The following ASH1L variants were observed in gnomAD, a reference collection of about 807,000 sequenced individuals.
The protein encoded by ASH1L is histone-lysine N-methyltransferase ASH1L.
Under a neutral mutation model 269.0 loss-of-function variants are expected in ASH1L, and 23 were observed. The ratio of observed to expected loss-of-function variants is 0.09; its 90% CI spans 0.06 to 0.12. The LOEUF is 0.12. ASH1L is among the 10% of genes least tolerant of loss of function. The probability of loss-of-function intolerance (pLI) is 1.00; values close to 1 mark genes in which losing one functional copy is unlikely to be tolerated. For synonymous variants in ASH1L, 1,187 were observed against 1,253.5 expected (o/e 0.95, Z 1.12); for missense variants, 2,912 against 3,567.8 (o/e 0.82, Z 4.68).
At chr1:155,359,323 G>A (rs901217534) in intron 13 of ASH1L, among the ~76,000 whole-genome samples, 7 of 151,944 alleles carry the variant, frequency 4.6e-5, no homozygotes, top group South Asian at 2.1e-4. Context: ...TCGCTCTGTC[G>A]CCCAGGATGG....
intron 5 of ASH1L, among the ~76,000 whole-genome samples, chr1:155,432,897 C>T (rs1480652066): frequency 1.3e-5 from 2 of 152,092 alleles, no homozygotes; most frequent in Admixed American, 1.3e-4. Context: ...CACCACCACG[C>T]CCAGCTAATT....
chr1:155,383,990 A>G (rs531764537), intron 7 of ASH1L, among the ~76,000 whole-genome samples: 22 of 152,218 alleles, frequency 1.4e-4, no homozygotes, highest in Non-Finnish European at 2.8e-4. Context: ...AGTCTATTTT[A>G]AAAGAGTAAA....
intron 5 of ASH1L, chr1:155,419,635 C>A (rs2148555490): frequency 6.6e-6 from 1 of 152,202 alleles, no homozygotes. Flanking sequence ...TAAACATAAG[C>A]AAATGTACTG....
chr1:155,492,180 C>T (rs950360950), intron 2 of ASH1L, among the ~76,000 whole-genome samples: 1 of 151,902 alleles, frequency 6.6e-6, no homozygotes, highest in South Asian at 2.1e-4. Context: ...GGATTACAGG[C>T]ATGTGCCACT....
chr1:155,449,582 C>T (rs925488983), intron 4 of ASH1L, among the ~76,000 whole-genome samples: 4 of 150,918 alleles, frequency 2.7e-5, no homozygotes, highest in East Asian at 2.0e-4. Context: ...TGCAGTGGCA[C>T]GATCTCGGCT....
chr1:155,560,658 C>G (rs1159171583), intron 1 of ASH1L, among the ~76,000 whole-genome samples: 4 of 152,144 alleles, frequency 2.6e-5, no homozygotes, highest in African/African-American at 9.7e-5. Context: ...ATTTATTGAA[C>G]AGGCAGTCAA....
chr1:155,462,492 T>C (rs1318170978), intron 3 of ASH1L, among the ~76,000 whole-genome samples: 9 of 152,196 alleles, frequency 5.9e-5, no homozygotes, highest in Non-Finnish European at 1.0e-4. Flanking sequence ...TCTTCAAAGC[T>C]CCTTCTTTTG....
chr1:155,487,865 G>A (rs1666434003), intron 2 of ASH1L, among the ~76,000 whole-genome samples: 1 of 151,250 alleles, frequency 6.6e-6, no homozygotes. Flanking sequence ...ATTGGCTAAT[G>A]AATGTGTTCA....
At chr1:155,442,104 A>G (rs1662629661) in intron 4 of ASH1L, among the ~76,000 whole-genome samples, 1 of 152,040 alleles carries the variant, frequency 6.6e-6, no homozygotes, top group Non-Finnish European at 1.5e-5. Context: ...CCTCACCACC[A>G]TGTAGTTACA....
At chr1:155,376,685 T>A (rs1464130952) in intron 10 of ASH1L, among the ~76,000 whole-genome samples, 5 of 147,810 alleles carry the variant, frequency 3.4e-5, no homozygotes, top group Non-Finnish European at 1.5e-5. Context: ...CTCAAAAAAA[T>A]AAATTAAAAA....
At chr1:155,411,590 T>TAA (rs1558075695) in intron 6 of ASH1L, among the ~76,000 whole-genome samples, 28 of 18,180 alleles carry the variant, frequency 1.5e-3, no homozygotes, top group Middle Eastern at 0.031. Flanking sequence ...TAAATAAATA[T>TAA]ATATATATAT....
chr1:155,528,156 C>A (rs1283490779), intron 1 of ASH1L, among the ~76,000 whole-genome samples: 1 of 152,146 alleles, frequency 6.6e-6, no homozygotes, highest in African/African-American at 2.4e-5. Flanking sequence ...TAGATAGGCA[C>A]TTAACATGTT....
chr1:155,530,529 C>G (rs922771032), intron 1 of ASH1L, among the ~76,000 whole-genome samples: 2 of 151,000 alleles, frequency 1.3e-5, no homozygotes, highest in African/African-American at 4.9e-5. Flanking sequence ...AGTTTGAGAC[C>G]AGCCTGGCCA....
At chr1:155,405,635 G>C (rs1196144251) in intron 6 of ASH1L, among the ~76,000 whole-genome samples, 1 of 151,940 alleles carries the variant, frequency 6.6e-6, no homozygotes, top group African/African-American at 2.4e-5. Context: ...TTCAAGATCA[G>C]CTTGACCAAC....
At chr1:155,377,863 T>C (rs898091943) in intron 10 of ASH1L, among the ~76,000 whole-genome samples, 5 of 151,646 alleles carry the variant, frequency 3.3e-5, no homozygotes, top group Non-Finnish European at 5.9e-5. Context: ...CTACTAAAAA[T>C]ACAAAAAAAA....
chr1:155,432,838 C>T (rs1661707328), intron 5 of ASH1L, among the ~76,000 whole-genome samples: 1 of 152,130 alleles, frequency 6.6e-6, no homozygotes, highest in African/African-American at 2.4e-5. Context: ...CTGGCTCAAG[C>T]GATCCCCCCA....
chr1:155,471,150 T>C (rs1294032383), intron 3 of ASH1L, among the ~76,000 whole-genome samples: 1 of 152,236 alleles, frequency 6.6e-6, no homozygotes, highest in Non-Finnish European at 1.5e-5. Context: ...TTATCAACAG[T>C]AATTGTGAAG....
chr1:155,474,261 T>C (rs997491798), intron 3 of ASH1L, among the ~76,000 whole-genome samples: 2 of 152,216 alleles, frequency 1.3e-5, no homozygotes, highest in African/African-American at 2.4e-5. Flanking sequence ...TTTTAGTGAA[T>C]GATATTGCCT....
intron 12 of ASH1L, among the ~76,000 whole-genome samples, chr1:155,362,625 T>A (rs183567682): frequency 2.0e-5 from 3 of 152,268 alleles, no homozygotes; most frequent in African/African-American, 7.2e-5. Flanking sequence ...CAAATTGACA[T>A]TGTGGCTTCA....
Sources: gnomAD v4.1 joint callset for allele counts (sites outside exome capture counted in the v4.1 genomes callset) on GRCh38, gnomAD v4.1.1 for gene constraint, MANE v1.5 for transcripts, NCBI Gene and HGNC (gene_info 2026-07-23, HGNC 2026-07-21) for gene names.